The following CSMD1 variants were observed in gnomAD, a reference collection of about 807,000 sequenced individuals.
CSMD1 encodes CUB and Sushi multiple domains 1, also known as CUB and sushi domain-containing protein 1.
In CSMD1, 213 loss-of-function variants were observed where a neutral mutation model predicts 417.5. The observed-to-expected ratio is 0.51, with a 90% CI of 0.46 to 0.57. The LOEUF is 0.57. Ranked by LOEUF, CSMD1 falls within the 20% of genes least tolerant of loss-of-function variation. The pLI, the probability that CSMD1 is intolerant of heterozygous loss-of-function variation, is 0.00. For missense variants in CSMD1, 6,923 were observed against 4,529.7 expected (o/e 1.53, Z -15.17); for synonymous variants, 2,862 against 1,736.8 (o/e 1.65, Z -16.11).
chr8:2,962,980 T>C (rs1803631975), intron 60 of CSMD1, among the ~76,000 whole-genome samples: 1 of 152,066 alleles, frequency 6.6e-6, no homozygotes, highest in Non-Finnish European at 1.5e-5. Flanking sequence ...CCCGAGAGAT[T>C]GAGGCTGCAG....
chr8:4,809,123 G>C (rs913690877), intron 1 of CSMD1, among the ~76,000 whole-genome samples: 3 of 152,148 alleles, frequency 2.0e-5, no homozygotes, highest in Non-Finnish European at 2.9e-5. Context: ...CCAATAAAAG[G>C]AGCCATAGCT....
At chr8:4,834,667 A>G (rs188591517) in intron 1 of CSMD1, among the ~76,000 whole-genome samples, 1 of 151,824 alleles carries the variant, frequency 6.6e-6, no homozygotes, top group African/African-American at 2.4e-5. Flanking sequence ...ATTAAAAGGA[A>G]AAAAAAAGGC....
intron 3 of CSMD1, among the ~76,000 whole-genome samples, chr8:4,042,403 A>C (rs1280668893): frequency 6.6e-6 from 1 of 152,186 alleles, no homozygotes; most frequent in Non-Finnish European, 1.5e-5. Flanking sequence ...AAGTACTGAA[A>C]TAACGAATAA....
intron 10 of CSMD1, among the ~76,000 whole-genome samples, chr8:3,536,275 C>A (rs989315026): frequency 2.0e-5 from 3 of 152,298 alleles, no homozygotes; most frequent in East Asian, 1.9e-4. Context: ...GTGTGTATGA[C>A]AGCAACTTGT....
chr8:4,914,563 G>A (rs1378538480), intron 1 of CSMD1, among the ~76,000 whole-genome samples: 4 of 137,484 alleles, frequency 2.9e-5, no homozygotes, highest in South Asian at 2.4e-4. Context: ...GGGAGACAGC[G>A]AGACTCCATC....
At chr8:4,226,802 C>T (rs188050326) in intron 3 of CSMD1, among the ~76,000 whole-genome samples, 4 of 152,228 alleles carry the variant, frequency 2.6e-5, no homozygotes, top group South Asian at 2.1e-4. Flanking sequence ...CCCATTAGTG[C>T]AAGAGTAAAG....
chr8:3,204,509 G>A (rs1797145188), intron 31 of CSMD1, among the ~76,000 whole-genome samples: 1 of 152,246 alleles, frequency 6.6e-6, no homozygotes, highest in Admixed American at 6.5e-5. Context: ...CCCATTTTAA[G>A]TATTACTGCC....
At chr8:3,170,643 AT>A (rs1279535344) in intron 37 of CSMD1, among the ~76,000 whole-genome samples, 1 of 152,232 alleles carries the variant, frequency 6.6e-6, no homozygotes, top group Non-Finnish European at 1.5e-5. Context: ...TTGAATGGCC[AT>A]TGTGAATTTA....
chr8:4,206,723 T>G (rs972556736), intron 3 of CSMD1, among the ~76,000 whole-genome samples: 1 of 152,192 alleles, frequency 6.6e-6, no homozygotes, highest in Non-Finnish European at 1.5e-5. Flanking sequence ...CTGGGTCAAA[T>G]AGTATTTCTA....
intron 3 of CSMD1, among the ~76,000 whole-genome samples, chr8:4,397,958 T>C (rs1330726900): frequency 4.6e-5 from 7 of 152,214 alleles, no homozygotes; most frequent in African/African-American, 1.4e-4. Flanking sequence ...TGGGTTGTCA[T>C]ACACCTGCTA....
intron 2 of CSMD1, among the ~76,000 whole-genome samples, chr8:4,475,020 T>C (rs1240541979): frequency 1.3e-5 from 2 of 152,152 alleles, no homozygotes; most frequent in Non-Finnish European, 2.9e-5. Context: ...TTTATGTGGA[T>C]TTTTCAATGC....
chr8:3,868,230 T>A (rs1692081504), intron 5 of CSMD1, among the ~76,000 whole-genome samples: 1 of 151,780 alleles, frequency 6.6e-6, no homozygotes, highest in African/African-American at 2.4e-5. Context: ...AGAACGAGGA[T>A]GGGGGGGCAT....
At chr8:4,848,730 G>A (rs887538230) in intron 1 of CSMD1, among the ~76,000 whole-genome samples, 1 of 152,074 alleles carries the variant, frequency 6.6e-6, no homozygotes, top group South Asian at 2.1e-4. Flanking sequence ...TTATAGTAGG[G>A]ACTGGGTTTC....
intron 3 of CSMD1, among the ~76,000 whole-genome samples, chr8:4,374,877 A>T (rs1216037905): frequency 6.7e-6 from 1 of 148,722 alleles, no homozygotes; most frequent in African/African-American, 2.5e-5. Flanking sequence ...AACACAGGAC[A>T]TGAAGCTGAA....
intron 3 of CSMD1, among the ~76,000 whole-genome samples, chr8:4,214,400 C>T (rs112963725): frequency 1.3e-5 from 2 of 152,154 alleles, no homozygotes; most frequent in Non-Finnish European, 2.9e-5. Flanking sequence ...TGGATTCAAT[C>T]GATTCAAATG....
At chr8:4,659,190 A>G (rs937593963) in intron 1 of CSMD1, among the ~76,000 whole-genome samples, 1 of 152,196 alleles carries the variant, frequency 6.6e-6, no homozygotes, top group African/African-American at 2.4e-5. Context: ...ACGAGGACAC[A>G]CAAAAATATA....
chr8:4,395,909 G>C, intron 3 of CSMD1, among the ~76,000 whole-genome samples: 1 of 152,182 alleles, frequency 6.6e-6, no homozygotes, highest in East Asian at 1.9e-4. Flanking sequence ...AAGTGTAATT[G>C]TAAGTCTGAC....
At chr8:4,531,170 C>A (rs1320820476) in intron 2 of CSMD1, among the ~76,000 whole-genome samples, 1 of 152,110 alleles carries the variant, frequency 6.6e-6, no homozygotes, top group African/African-American at 2.4e-5. Flanking sequence ...GATCTGTCAC[C>A]AAATGTATAT....
At chr8:3,652,741 G>A (rs1030672849) in intron 7 of CSMD1, among the ~76,000 whole-genome samples, 2 of 152,134 alleles carry the variant, frequency 1.3e-5, no homozygotes, top group African/African-American at 4.8e-5. Context: ...AACAAGTGGG[G>A]ATTATTACAG....
Sources: gnomAD v4.1 joint callset for allele counts (sites outside exome capture counted in the v4.1 genomes callset) on GRCh38, gnomAD v4.1.1 for gene constraint, MANE v1.5 for transcripts, NCBI Gene and HGNC (gene_info 2026-07-23, HGNC 2026-07-21) for gene names.